SLC36A3: variants seen among roughly 807,000 people sequenced by gnomAD.
SLC36A3 encodes the protein solute carrier family 36 member 3.
In SLC36A3, 35 loss-of-function variants were observed where a neutral mutation model predicts 44.3. The observed-to-expected ratio is 0.79, with a 90% confidence interval of 0.60 to 1.05. SLC36A3 has a LOEUF of 1.05. Ranked by LOEUF, SLC36A3 falls within the 50% of genes least tolerant of loss-of-function variation. The probability of loss-of-function intolerance (pLI) is 0.00; values close to 1 mark genes in which losing one functional copy is unlikely to be tolerated. For missense variants in SLC36A3, 540 were observed against 578.7 expected, an observed-to-expected ratio of 0.93 and a Z score of 0.69; for synonymous variants, 211 against 227.6, an observed-to-expected ratio of 0.93 and a Z score of 0.66.
chr5:151,288,340 A>T (rs766320512), intron 5 of SLC36A3, 46 bp downstream of exon 5: 5 of 1,449,218 alleles, frequency 3.5e-6, no homozygotes, highest in Non-Finnish European at 4.7e-6. Flanking sequence ...CCTCAGCAGC[A>T]GGAGGTCTGC....
chr5:151,278,060 G>A (rs1754167132), intron 9 of SLC36A3, among the ~76,000 whole-genome samples: 2 of 152,152 alleles, frequency 1.3e-5, no homozygotes, highest in Admixed American at 1.3e-4. Flanking sequence ...TGCCTCTCAT[G>A]TGTAAGAAAG....
At chr5:151,291,876 T>C (rs1458656096) in intron 4 of SLC36A3, among the ~76,000 whole-genome samples, 1 of 152,112 alleles carries the variant, frequency 6.6e-6, no homozygotes, top group Non-Finnish European at 1.5e-5. Flanking sequence ...GTTTGTTTGT[T>C]TTGAGATGGA....
At position 151,303,319 on chromosome 5, in the gene SLC36A3, C is replaced by G. The variant is rs773180504; in HGVS notation, c.36G>C (p.Leu12=). The change falls in exon 1 of 10, where the codon CTG becomes CTC. Residue 12 remains leucine, a synonymous_variant. Transcript: ENST00000335230. ...SLLGRDYNSE[L]NSLDNGPQSP... ...ACTGAGGTCCGTTGTCCAAGGAGTT[C>G]AGCTCACTGTTGTAGTCCCTTCCAA... 6.2e-7 allele frequency: 1 copy of G among 1,614,064 alleles called. No homozygotes were observed. Among genetic ancestry groups the G allele is most frequent in the Non-Finnish European group, 8.5e-7 (1 of 1,179,966 alleles).
rs776023597 is a variant in SLC36A3 at position 151,296,265 on chromosome 5, C to G, written c.223G>C (p.Gly75Arg). 6 of 1,613,938 alleles carry G rather than the reference C, an allele frequency of 3.7e-6. No individual in the cohort carries two copies. Among genetic ancestry groups the G allele is most frequent in the Non-Finnish European group, 5.1e-6 (6 of 1,179,910 alleles). Residue 75 changes from glycine (G) to arginine (R), a missense_variant, in exon 3 of 10, where the codon GGT becomes CGT. Physicochemically the swap from Gly to Arg is moderately radical, Grantham distance 125 (BLOSUM62 -2). Coordinates refer to ENST00000335230, the MANE Select transcript of SLC36A3 (RefSeq NM_181774.4). The part of the protein sequence containing the change: ...LAIKNAGLLV[G>R]PVSLLAIGVL... The stretch of plus-strand genomic sequence containing the variant: ...CCGATGGCCAGAAGGCTGACAGGAC[C>G]GACCTGGAGGGGAGAGGAGAAAGGG...
intron 4 of SLC36A3, among the ~76,000 whole-genome samples, chr5:151,289,510 A>G: frequency 6.6e-6 from 1 of 152,122 alleles, no homozygotes; most frequent in East Asian, 1.9e-4. Flanking sequence ...AAAAAAAGAA[A>G]TTATTATTAA....
chr5:151,299,225 G>GCTCTCTCTCTCTCT (rs61382152), intron 1 of SLC36A3, among the ~76,000 whole-genome samples: 70 of 92,384 alleles, frequency 7.6e-4, no homozygotes, highest in Non-Finnish European at 1.2e-3. Context: ...TTGCTTGTGC[G>GCTCTCTCTCTCTCT]CTCTCTCTCT....
intron 2 of SLC36A3, chr5:151,296,768 C>T: frequency 6.3e-6 from 1 of 158,586 alleles, no homozygotes; most frequent in Non-Finnish European, 1.4e-5. Context: ...TTTCCCGAGC[C>T]TCTACCCACT....
At chr5:151,300,532 C>T (rs957225125) in intron 1 of SLC36A3, among the ~76,000 whole-genome samples, 1 of 152,162 alleles carries the variant, frequency 6.6e-6, no homozygotes, top group African/African-American at 2.4e-5. Flanking sequence ...GGTCCCATTT[C>T]CCACCCTCTG....
rs746469853 is a variant in SLC36A3, at chr5:151,287,275, T to C, written c.679A>G (p.Met227Val). ...ATGATATACTCAAAGATCAGAGCCA[T>C]GCTCCCAAGGGTGGTGATGTTGGCC... Reference protein sequence around the residue: ...TLANITTLGSMALIFEYIMEG... With the variant: ...TLANITTLGSVALIFEYIMEG... The change falls in exon 6 of 10, where the codon ATG (methionine) becomes GTG (valine). Residue 227 changes from methionine (M) to valine (V), a missense_variant. Coordinates refer to ENST00000335230, the MANE Select transcript of SLC36A3 (RefSeq NM_181774.4). The C allele has an allele frequency of 3.1e-6, 5 of 1,614,160 alleles. No homozygotes were observed. The highest frequency in any genetic ancestry group is 4.2e-6 in the Non-Finnish European group (5 of 1,180,022).
chr5:151,303,154 G>A (rs1755222588), intron 1 of SLC36A3, 73 bp downstream of exon 1: 4 of 1,529,804 alleles, frequency 2.6e-6, no homozygotes, highest in South Asian at 2.5e-5. Flanking sequence ...GATAGATGAA[G>A]GAAGACATAG....
intron 4 of SLC36A3, among the ~76,000 whole-genome samples, chr5:151,290,658 G>A (rs1412394153): frequency 1.3e-5 from 2 of 152,176 alleles, no homozygotes; most frequent in Non-Finnish European, 2.9e-5. Flanking sequence ...CACTTTGCAA[G>A]GCCGAGGCGG....
rs201311127 is a variant in SLC36A3, at chr5:151,298,558, G to A, written c.219+35C>T. The A allele has an allele frequency of 9.3e-5, 149 of 1,607,824 alleles. 1 individual carries two copies. The highest frequency in any genetic ancestry group is 2.2e-4 in the East Asian group (10 of 44,820). Reference sequence around the variant, plus strand: ...ACCTATCACCCCCTTCTGCAAATGAGCAAACCTAGTTCCCATCCCACAGAT... The same window carrying A: ...ACCTATCACCCCCTTCTGCAAATGAACAAACCTAGTTCCCATCCCACAGAT... On this transcript the variant is annotated intron_variant, in intron 2 of 9. Transcript: ENST00000335230.
At chr5:151,299,151 T>C (rs1755063173) in intron 1 of SLC36A3, among the ~76,000 whole-genome samples, 1 of 151,218 alleles carries the variant, frequency 6.6e-6, no homozygotes, top group South Asian at 2.1e-4. Flanking sequence ...ATATATGGGA[T>C]ATTTACTGGT....
At chr5:151,277,998 G>C in intron 9 of SLC36A3, among the ~76,000 whole-genome samples, 1 of 152,194 alleles carries the variant, frequency 6.6e-6, no homozygotes, top group East Asian at 1.9e-4. Context: ...ACAGAGCTGA[G>C]ATGAGAATTC....
chr5:151,291,040 T>G (rs1754743810), intron 4 of SLC36A3, among the ~76,000 whole-genome samples: 1 of 151,900 alleles, frequency 6.6e-6, no homozygotes, highest in African/African-American at 2.4e-5. Flanking sequence ...TAGAGTGTAG[T>G]GGTGCAGTCA....
In SLC36A3 at chr5:151,287,511, C is replaced by T. The variant is rs568183102; in HGVS notation, c.490-47G>A. ...GGCAGTGTGGTTGCTACGTAAAACA[C>T]AGGACACCAATTACATTTGAATTTC... On this transcript the variant is annotated intron_variant, in intron 5 of 9. Coordinates refer to ENST00000335230, the MANE Select transcript of SLC36A3 (RefSeq NM_181774.4). 3.9e-6 allele frequency: 6 copies of T among 1,558,210 alleles called. No homozygotes were observed. The South Asian group carries it at 5.6e-5, about 15-fold the overall frequency.
At chr5:151,287,109 G>A in intron 6 of SLC36A3, 137 bp downstream of exon 6, 1 of 714,648 alleles carries the variant, frequency 1.4e-6, no homozygotes, top group African/African-American at 1.8e-5. Flanking sequence ...AGTGTTCCTA[G>A]ATGTCATGTT....
In SLC36A3 at chr5:151,281,180, C is replaced by T; in HGVS notation, c.978G>A (p.Leu326=). 1 of 1,606,778 alleles carries T rather than the reference C, an allele frequency of 6.2e-7. No individual in the cohort carries two copies. Among genetic ancestry groups the T allele is most frequent in the Non-Finnish European group, 8.5e-7 (1 of 1,176,070 alleles). ...AGTACATCAGCTTGACTGACTGGTA[C>T]AACCTGCAGACACATGAATTGGATG... The part of the protein sequence containing the change: ...SITLNLPNCW[L]YQSVKLMYSI... The change falls in exon 9 of 10, where the codon TTG becomes TTA. Residue 326 remains leucine, a synonymous_variant. Coordinates refer to ENST00000335230, the MANE Select transcript of SLC36A3 (RefSeq NM_181774.4).
chr5:151,295,997 G>T (rs982397566), intron 3 of SLC36A3, among the ~76,000 whole-genome samples, 183 bp downstream of exon 3: 1 of 152,220 alleles, frequency 6.6e-6, no homozygotes, highest in Non-Finnish European at 1.5e-5. Context: ...AGCAGCGTTG[G>T]ATCTGTGCCT....
Sources: gnomAD v4.1 joint callset for allele counts (sites outside exome capture counted in the v4.1 genomes callset) on GRCh38, gnomAD v4.1.1 for gene constraint, MANE v1.5 for transcripts, NCBI Gene and HGNC (gene_info 2026-07-23, HGNC 2026-07-21) for gene names.